Variants in CEP43 observed in about 807,000 individuals in gnomAD.
CEP43 encodes FGFR1 oncogene partner.
A neutral mutation model predicts 52.6 loss-of-function variants in CEP43; 36 were observed. The observed-to-expected ratio is 0.68, with a 90% confidence interval of 0.52 to 0.90. CEP43 has a LOEUF of 0.90. Ranked by LOEUF, CEP43 falls within the 40% of genes least tolerant of loss-of-function variation. The probability of loss-of-function intolerance (pLI) is 0.00; values close to 1 mark genes in which losing one functional copy is unlikely to be tolerated. For missense variants in CEP43, 506 were observed against 472.8 expected (o/e 1.07, Z -0.65); for synonymous variants, 192 against 172.4 (o/e 1.11, Z -0.89).
chr6:167,019,566 G>A (rs201913086), intron 7 of CEP43, among the ~76,000 whole-genome samples: 1 of 152,216 alleles, frequency 6.6e-6, no homozygotes, highest in Non-Finnish European at 1.5e-5. Flanking sequence ...TTTAGAACTA[G>A]ATTTTGAGAG....
rs1780809177 is a variant in CEP43 at position 167,047,055 on chromosome 6, A to C, written c.*7077A>C. The C allele has an allele frequency of 6.6e-6, 1 of 152,414 alleles. No individual in the cohort carries two copies. Among genetic ancestry groups the C allele is most frequent in the Non-Finnish European group, 1.5e-5 (1 of 68,192 alleles). 9.4% of individuals were successfully genotyped at this position (152,414 alleles called of 1,614,324 possible). A position where few individuals can be genotyped will look rare whatever the true frequency, so the allele number is the denominator to read the frequency against. ...ATAGGGGGCGCTGCCTGCAATGTCC[A>C]CGTGGAAACCTGGCTGGGAGAATGC... On this transcript the variant is annotated 3_prime_UTR_variant, in exon 13 of 13. Transcript: ENST00000366847.
chr6:167,015,201 T>C (rs1780066985), intron 7 of CEP43, among the ~76,000 whole-genome samples: 1 of 152,228 alleles, frequency 6.6e-6, no homozygotes, highest in African/African-American at 2.4e-5. Context: ...TTTGGGTCTC[T>C]TCTATTTCAT....
At chr6:167,033,397 C>T (rs2128667407) in intron 11 of CEP43, among the ~76,000 whole-genome samples, 1 of 152,218 alleles carries the variant, frequency 6.6e-6, no homozygotes, top group East Asian at 1.9e-4. Context: ...ACGAGAACCA[C>T]CATGCCCTGT....
intron 7 of CEP43, among the ~76,000 whole-genome samples, chr6:167,013,999 G>T (rs1156604711): frequency 6.6e-6 from 1 of 152,110 alleles, no homozygotes; most frequent in Non-Finnish European, 1.5e-5. Flanking sequence ...ACGATGGCAT[G>T]AAATAAAAAG....
intron 11 of CEP43, among the ~76,000 whole-genome samples, chr6:167,033,105 T>G (rs1780507727): frequency 8.6e-6 from 1 of 115,826 alleles, no homozygotes; most frequent in African/African-American, 3.8e-5. Flanking sequence ...TTCTCTTTTT[T>G]TTTTTTTTTT....
intron 6 of CEP43, 136 bp downstream of exon 6, chr6:167,011,029 C>CTTTTTTT (rs1316276352): frequency 9.1e-6 from 4 of 441,212 alleles, no homozygotes; most frequent in Non-Finnish European, 1.6e-5. Context: ...CTTGAAGGTG[C>CTTTTTTT]TTTTTTTCCA....
chr6:167,031,340 T>G lies in CEP43; in HGVS notation c.989-1263T>G, dbSNP rs1161861527. ...TCTGCAACCTAGGTTTCCACTCAGT[T>G]GCTACCTTGGAGTTCTTCCCAATTG... On this transcript the variant is annotated intron_variant, in intron 10 of 12. Transcript: ENST00000366847. Among the ~76,000 whole-genome samples, 4 of 152,302 alleles carry G rather than the reference T, an allele frequency of 2.6e-5. No individual in the cohort carries two copies. In the South Asian group the frequency reaches 8.3e-4, roughly 32 times the overall value.
intron 7 of CEP43, among the ~76,000 whole-genome samples, chr6:167,019,683 A>G (rs1197222707): frequency 6.6e-6 from 1 of 152,230 alleles, no homozygotes; most frequent in Non-Finnish European, 1.5e-5. Flanking sequence ...TGTGTAATAT[A>G]GTAATGCCCT....
intron 11 of CEP43, 102 bp downstream of exon 11, chr6:167,032,744 A>T: frequency 9.4e-7 from 1 of 1,068,002 alleles, no homozygotes; most frequent in Non-Finnish European, 1.3e-6. Context: ...ATTTTAATGT[A>T]TTTGATTCTG....
intron 12 of CEP43, among the ~76,000 whole-genome samples, chr6:167,037,708 T>C (rs76687582): frequency 0.025 from 3,811 of 152,272 alleles, 167 homozygotes; most frequent in African/African-American, 0.088. Flanking sequence ...AACAGACAAA[T>C]AAAAGCATCT....
At position 167,047,246 on chromosome 6, in the gene CEP43, T is replaced by G. The variant is rs146335239; in HGVS notation, c.*7268T>G. 47 of 152,288 alleles carry G rather than the reference T, an allele frequency of 3.1e-4. No homozygotes were observed. The highest frequency in any genetic ancestry group is 1.1e-3 in the African/African-American group (44 of 41,538). The allele number at this position is 152,288 out of a possible 1,614,324, so 9.4% of individuals were successfully genotyped here. A position where few individuals can be genotyped will look rare whatever the true frequency, so the allele number is the denominator to read the frequency against. Reference sequence around the variant, plus strand: ...CACGAGGGAGGAGCACAGGCCACCCTAGACAGGAGGGGTCCCCTACTGACA... The same window carrying G: ...CACGAGGGAGGAGCACAGGCCACCCGAGACAGGAGGGGTCCCCTACTGACA... On this transcript the variant is annotated 3_prime_UTR_variant, in exon 13 of 13. Transcript: ENST00000366847.
chr6:167,033,099 C>CTTTTTTT (rs71032896), intron 11 of CEP43, among the ~76,000 whole-genome samples: 2 of 68,298 alleles, frequency 2.9e-5, no homozygotes, highest in Admixed American at 2.6e-4. Context: ...TTGCCATTCT[C>CTTTTTTT]TTTTTTTTTT....
intron 2 of CEP43, among the ~76,000 whole-genome samples, chr6:167,002,515 G>A (rs1243491051): frequency 6.6e-6 from 1 of 152,132 alleles, no homozygotes; most frequent in African/African-American, 2.4e-5. Flanking sequence ...TCACATGCTA[G>A]GAATATTTGT....
At chr6:167,020,500 C>G (rs1042114763) in intron 7 of CEP43, among the ~76,000 whole-genome samples, 2 of 152,234 alleles carry the variant, frequency 1.3e-5, no homozygotes, top group Non-Finnish European at 2.9e-5. Flanking sequence ...AGTTACTACT[C>G]TTTAATTCTT....
intron 12 of CEP43, 90 bp from the exon 13 acceptor site, chr6:167,039,813 TG>T: frequency 7.8e-7 from 1 of 1,274,682 alleles, no homozygotes; most frequent in Non-Finnish European, 1.1e-6. Flanking sequence ...AGGAGTAAGG[TG>T]GTATCTCATT....
At position 167,022,453 on chromosome 6, in the gene CEP43, G is replaced by C. The variant is rs148348463; in HGVS notation, c.624G>C (p.Leu208Phe). Reference protein sequence around the residue: ...EANQSDTSVSLSEPKSKSSLH... With the variant: ...EANQSDTSVSFSEPKSKSSLH... ...ATCAGAGTGATACAAGTGTCTCCTT[G>C]TCAGAACCCAAGAGCAAAAGCAGCC... The change falls in exon 8 of 13, where the codon TTG (leucine) becomes TTC (phenylalanine). Residue 208 changes from leucine to phenylalanine, a missense_variant. Transcript: ENST00000366847. The C allele has an allele frequency of 1.6e-3, 2,562 of 1,614,106 alleles. 4 individuals are homozygous for C. The highest frequency in any genetic ancestry group is 2.0e-3 in the Non-Finnish European group (2,359 of 1,180,020).
intron 7 of CEP43, among the ~76,000 whole-genome samples, chr6:167,016,495 C>G (rs960244904): frequency 1.3e-5 from 2 of 152,230 alleles, no homozygotes; most frequent in Non-Finnish European, 2.9e-5. Context: ...CTGTGGGGCT[C>G]AAGTGATCCT....
chr6:167,017,375 A>G (rs1780126629), intron 7 of CEP43, among the ~76,000 whole-genome samples: 1 of 152,148 alleles, frequency 6.6e-6, no homozygotes, highest in Non-Finnish European at 1.5e-5. Flanking sequence ...AGTAATCTAG[A>G]GATGATTCAA....
intron 10 of CEP43, chr6:167,027,879 T>G: frequency 1.0e-6 from 1 of 985,634 alleles, no homozygotes; most frequent in East Asian, 1.1e-4. Context: ...GAATAAATGT[T>G]CCCTGAGCTG....
Sources: allele counts gnomAD v4.1 joint callset (sites outside exome capture counted in the v4.1 genomes callset), GRCh38; gene constraint gnomAD v4.1.1; transcripts MANE v1.5; gene names NCBI Gene and HGNC (gene_info 2026-07-23, HGNC 2026-07-21).